Variants in RGS5 observed in about 807,000 individuals in gnomAD.
RGS5 encodes the protein regulator of G-protein signalling 5.
A neutral mutation model predicts 18.9 loss-of-function variants in RGS5; 20 were observed. The ratio of observed to expected loss-of-function variants is 1.06; its 90% CI spans 0.74 to 1.54. The LOEUF (loss-of-function observed/expected upper bound fraction) is 1.54, where lower values mean the gene tolerates loss of function less well. Ranked by LOEUF, RGS5 falls within the 40% of genes most tolerant of loss-of-function variation. The pLI is 0.00. For missense variants in RGS5, 201 were observed against 211.8 expected (o/e 0.95, Z 0.32); for synonymous variants, 57 against 76.2 (o/e 0.75, Z 1.31).
intron 1 of RGS5, among the ~76,000 whole-genome samples, chr1:163,192,512 C>T (rs1486602718): frequency 6.6e-6 from 1 of 152,152 alleles, no homozygotes; most frequent in Middle Eastern, 3.2e-3. Flanking sequence ...AAAAAATTCC[C>T]ATCAATCTAC....
At chr1:163,253,588 G>A (rs908912431) in intron 2 of RGS5, among the ~76,000 whole-genome samples, 2 of 151,380 alleles carry the variant, frequency 1.3e-5, no homozygotes, top group African/African-American at 2.4e-5. Context: ...GGGATTACAG[G>A]CGTGAGCCAC....
intron 1 of RGS5, among the ~76,000 whole-genome samples, chr1:163,172,397 CA>C (rs1190636429): frequency 6.6e-6 from 1 of 152,184 alleles, no homozygotes; most frequent in Admixed American, 6.5e-5. Context: ...AGACATACCA[CA>C]AAATCCTTTT....
chr1:163,316,600 A>T (rs1650031386), intron 1 of RGS5, among the ~76,000 whole-genome samples: 2 of 150,526 alleles, frequency 1.3e-5, no homozygotes, highest in African/African-American at 2.5e-5. Flanking sequence ...AAAAAAAGCT[A>T]ATATGATATA....
intron 2 of RGS5, among the ~76,000 whole-genome samples, chr1:163,283,374 T>C (rs1571339379): frequency 6.6e-6 from 1 of 152,322 alleles, no homozygotes; most frequent in East Asian, 1.9e-4. Flanking sequence ...TTACACATTG[T>C]AAACGTGTAT....
chr1:163,211,907 C>T (rs1660115607), intron 1 of RGS5: 1 of 152,148 alleles, frequency 6.6e-6, no homozygotes, highest in Non-Finnish European at 1.5e-5. Flanking sequence ...CCTCCCCCGA[C>T]AAATAATTTC....
intron 2 of RGS5, among the ~76,000 whole-genome samples, chr1:163,303,601 T>G (rs1018173363): frequency 6.6e-6 from 1 of 152,220 alleles, no homozygotes; most frequent in Non-Finnish European, 1.5e-5. Context: ...TATTTGCTCA[T>G]TCACTCATTT....
intron 2 of RGS5, among the ~76,000 whole-genome samples, chr1:163,240,245 A>G (rs1335884607): frequency 6.6e-6 from 1 of 152,174 alleles, no homozygotes. Flanking sequence ...ATAAGTACGG[A>G]ATGGTCATAC....
At chr1:163,154,293 A>G (rs149854853) in intron 3 of RGS5, among the ~76,000 whole-genome samples, 12 of 152,122 alleles carry the variant, frequency 7.9e-5, no homozygotes, top group Non-Finnish European at 1.6e-4. Context: ...ATAGTTATCC[A>G]TTTTCAATTT....
At chr1:163,193,857 A>C (rs1480174531) in intron 1 of RGS5, among the ~76,000 whole-genome samples, 1 of 152,152 alleles carries the variant, frequency 6.6e-6, no homozygotes, top group African/African-American at 2.4e-5. Flanking sequence ...GGCAAATGAC[A>C]AGTTTACCTC....
At chr1:163,164,963 T>G (rs749767834) in intron 2 of RGS5, among the ~76,000 whole-genome samples, 5 of 152,238 alleles carry the variant, frequency 3.3e-5, no homozygotes, top group Non-Finnish European at 5.9e-5. Flanking sequence ...CAATTAGATG[T>G]GCCTAGTCCC....
chr1:163,170,480 A>G (rs1045692309), intron 1 of RGS5, among the ~76,000 whole-genome samples: 2 of 152,152 alleles, frequency 1.3e-5, no homozygotes, highest in Non-Finnish European at 2.9e-5. Context: ...GGATTTTACT[A>G]TTGTACACAT....
At chr1:163,271,813 T>C (rs939582894) in intron 2 of RGS5, among the ~76,000 whole-genome samples, 5 of 152,136 alleles carry the variant, frequency 3.3e-5, no homozygotes, top group Non-Finnish European at 7.4e-5. Context: ...TTCCTGGGAG[T>C]AGAATTGCTG....
intron 2 of RGS5, among the ~76,000 whole-genome samples, chr1:163,293,713 G>A (rs761275044): frequency 9.2e-5 from 14 of 152,132 alleles, no homozygotes; most frequent in Non-Finnish European, 1.9e-4. Flanking sequence ...TCTCATCAGA[G>A]ATAAGGGAAG....
chr1:163,150,735 T>C (rs1657339512), intron 4 of RGS5, among the ~76,000 whole-genome samples: 1 of 152,190 alleles, frequency 6.6e-6, no homozygotes, highest in Non-Finnish European at 1.5e-5. Flanking sequence ...TACATTCTCA[T>C]ACTCCTAACC....
chr1:163,158,535 G>A (rs1195350687), intron 3 of RGS5, among the ~76,000 whole-genome samples: 1 of 152,102 alleles, frequency 6.6e-6, no homozygotes, highest in East Asian at 1.9e-4. Context: ...GTGTCCAGGG[G>A]AGACATCACT....
chr1:163,305,519 T>C (rs948700584), intron 2 of RGS5, among the ~76,000 whole-genome samples: 1 of 152,214 alleles, frequency 6.6e-6, no homozygotes, highest in African/African-American at 2.4e-5. Flanking sequence ...CTCTTTCAAG[T>C]AGTCATTACT....
chr1:163,294,089 T>G (rs1649361946), intron 2 of RGS5, among the ~76,000 whole-genome samples: 2 of 152,180 alleles, frequency 1.3e-5, no homozygotes, highest in South Asian at 4.1e-4. Context: ...AAGATGTCAG[T>G]GGATCTACCA....
chr1:163,291,332 C>G (rs1318097020), intron 2 of RGS5, among the ~76,000 whole-genome samples: 1 of 152,058 alleles, frequency 6.6e-6, no homozygotes, highest in African/African-American at 2.4e-5. Context: ...TTCAAGCTGC[C>G]CTTAAGTATT....
At chr1:163,251,240 A>C (rs1343901395) in intron 2 of RGS5, among the ~76,000 whole-genome samples, 1 of 152,176 alleles carries the variant, frequency 6.6e-6, no homozygotes, top group Non-Finnish European at 1.5e-5. Context: ...TCTGTGAAGA[A>C]TATTGGTTTC....
Sources: gnomAD v4.1 joint callset for allele counts (sites outside exome capture counted in the v4.1 genomes callset) on GRCh38, gnomAD v4.1.1 for gene constraint, MANE v1.5 for transcripts, NCBI Gene and HGNC (gene_info 2026-07-23, HGNC 2026-07-21) for gene names.